Variants in TASP1 observed in about 807,000 individuals in gnomAD.
The protein encoded by TASP1 is taspase 1.
A neutral mutation model predicts 56.6 loss-of-function variants in TASP1; 16 were observed. The ratio of observed to expected loss-of-function variants is 0.28; its 90% CI spans 0.19 to 0.43. The LOEUF (loss-of-function observed/expected upper bound fraction) is 0.43. Among genes scored for constraint, TASP1 ranks in the 20% least tolerant of loss-of-function variants. The pLI is 1.00. For synonymous variants in TASP1, 179 were observed against 184.2 expected (o/e 0.97, Z 0.23); for missense variants, 393 against 511.6 (o/e 0.77, Z 2.24).
intron 4 of TASP1, among the ~76,000 whole-genome samples, chr20:13,608,826 A>G (rs567555852): frequency 6.6e-6 from 1 of 152,248 alleles, no homozygotes; most frequent in African/African-American, 2.4e-5. Context: ...TCTTACCTAC[A>G]TGGAGCCTCA....
intron 7 of TASP1, among the ~76,000 whole-genome samples, chr20:13,564,250 A>G (rs1568587681): frequency 1.3e-5 from 2 of 152,234 alleles, no homozygotes; most frequent in Admixed American, 1.3e-4. Flanking sequence ...TGTATGATAC[A>G]AAATCAACAC....
chr20:13,167,207 T>C, the TASP1 span: 38 of 152,332 alleles, frequency 2.5e-4, no homozygotes, highest in African/African-American at 8.9e-4. Flanking sequence ...TTTTAATTTT[T>C]TTAAGAAAAA....
intron 4 of TASP1, among the ~76,000 whole-genome samples, chr20:13,592,874 A>G (rs1219645601): frequency 1.3e-5 from 2 of 152,196 alleles, no homozygotes; most frequent in African/African-American, 4.8e-5. Context: ...GAGGAACATC[A>G]TCCCTCTTGA....
At chr20:13,336,120 G>C in the TASP1 span, among the ~76,000 whole-genome samples, 2 of 152,184 alleles carry the variant, frequency 1.3e-5, no homozygotes, top group Admixed American at 1.3e-4. Context: ...AATCCAAAAG[G>C]CTTCTCAATA....
intron 13 of TASP1, chr20:13,393,764 C>A (rs996282469): frequency 6.2e-6 from 4 of 641,832 alleles, no homozygotes; most frequent in African/African-American, 3.6e-5. Context: ...CAGTCCCCTA[C>A]CACACTGAGA....
the TASP1 span, among the ~76,000 whole-genome samples, chr20:13,193,729 A>G: frequency 2.0e-5 from 3 of 152,086 alleles, no homozygotes; most frequent in African/African-American, 7.2e-5. Context: ...TTTTCATTCC[A>G]TTTCCTTTGG....
chr20:13,362,720 T>C, the TASP1 span, among the ~76,000 whole-genome samples: 1 of 150,874 alleles, frequency 6.6e-6, no homozygotes, highest in Non-Finnish European at 1.5e-5. Context: ...TCTGTTTATA[T>C]GAAATTCTAG....
the TASP1 span, chr20:13,221,817 T>C: frequency 6.9e-7 from 1 of 1,457,972 alleles, no homozygotes; most frequent in Admixed American, 2.5e-5. Flanking sequence ...CTGCTGGGGC[T>C]GCTGCTGCTC....
the TASP1 span, among the ~76,000 whole-genome samples, chr20:13,174,069 C>T: frequency 1.3e-5 from 2 of 152,156 alleles, no homozygotes; most frequent in African/African-American, 2.4e-5. Context: ...CCTGCCCCAT[C>T]CCCAGTGCCG....
Position 13,596,073 on chromosome 20 carries a change from C to T in TASP1, c.283-8703G>A, listed in dbSNP as rs571529152. ...AATTAGAACTCAGGATTAAGAAACT[C>T]ACTCAAAACTGCACAACTGCCAGGT... On this transcript the variant is annotated intron_variant, in intron 4 of 13. Coordinates refer to ENST00000337743, the MANE Select transcript of TASP1 (RefSeq NM_017714.3). Among the ~76,000 whole-genome samples, 4 of 152,252 alleles carry T rather than the reference C, an allele frequency of 2.6e-5. No homozygotes were observed. The East Asian group carries it at 7.7e-4, about 29-fold the overall frequency.
chr20:13,267,764 A>C, the TASP1 span, among the ~76,000 whole-genome samples: 1 of 152,356 alleles, frequency 6.6e-6, no homozygotes, highest in East Asian at 1.9e-4. Context: ...GTAAGTGTTC[A>C]TAGTAGGAAG....
chr20:13,482,402 G>C (rs1263171110), intron 11 of TASP1, among the ~76,000 whole-genome samples: 1 of 152,050 alleles, frequency 6.6e-6, no homozygotes, highest in African/African-American at 2.4e-5. Flanking sequence ...TCTTTTGCGA[G>C]TCCACATAAA....
chr20:13,112,303 C>G, the TASP1 span, among the ~76,000 whole-genome samples: 1 of 152,294 alleles, frequency 6.6e-6, no homozygotes, highest in South Asian at 2.1e-4. Flanking sequence ...CCTGGAGTGC[C>G]ATGCTCTCTT....
At chr20:13,205,123 G>A in the TASP1 span, among the ~76,000 whole-genome samples, 2 of 152,048 alleles carry the variant, frequency 1.3e-5, no homozygotes, top group Non-Finnish European at 2.9e-5. Context: ...ACCTTTTGCT[G>A]TTTTTCCGTA....
In TASP1 at chr20:13,627,727, T is replaced by TA. The variant is rs2048944133; in HGVS notation, c.145+2206dup. On this transcript the variant is annotated intron_variant, in intron 2 of 13. Coordinates refer to ENST00000337743, the MANE Select transcript of TASP1 (RefSeq NM_017714.3). Reference sequence around the variant, plus strand: ...CAGCCTGGGCAACAAGAGCGAAACTTAGTCTTAAAAAAAAAAAAAAAAGTT... The same window carrying TA: ...CAGCCTGGGCAACAAGAGCGAAACTTAAGTCTTAAAAAAAAAAAAAAAAGTT... 2.5e-5 allele frequency among the ~76,000 whole-genome samples: 2 copies of TA among 79,552 alleles called. 1 individual carries two copies. The highest frequency in any genetic ancestry group is 3.0e-4 in the African/African-American group (2 of 6,762). 52.2% of individuals were successfully genotyped at this position (79,552 alleles called of 152,430 possible).
chr20:13,204,551 AT>A, the TASP1 span, among the ~76,000 whole-genome samples: 4 of 151,152 alleles, frequency 2.6e-5, no homozygotes, highest in Non-Finnish European at 5.9e-5. Context: ...ATATATGTAT[AT>A]TTTTTGAGAC....
At chr20:13,608,357 A>T (rs2048233053) in intron 4 of TASP1, among the ~76,000 whole-genome samples, 2 of 152,202 alleles carry the variant, frequency 1.3e-5, no homozygotes, top group Non-Finnish European at 2.9e-5. Context: ...TGGTTAAAAG[A>T]TTTCCAATTT....
At chr20:13,469,230 G>A (rs1317906538) in intron 11 of TASP1, among the ~76,000 whole-genome samples, 5 of 152,056 alleles carry the variant, frequency 3.3e-5, no homozygotes, top group Non-Finnish European at 7.4e-5. Flanking sequence ...TATTTTAAAT[G>A]GCTTTTTGGT....
the TASP1 span, among the ~76,000 whole-genome samples, chr20:13,189,041 T>C: frequency 6.6e-6 from 1 of 152,172 alleles, no homozygotes; most frequent in Non-Finnish European, 1.5e-5. Context: ...TCACTTTACG[T>C]TTTTTGTCTA....
Sources: gnomAD v4.1 joint callset for allele counts (sites outside exome capture counted in the v4.1 genomes callset) on GRCh38, gnomAD v4.1.1 for gene constraint, MANE v1.5 for transcripts, NCBI Gene and HGNC (gene_info 2026-07-23, HGNC 2026-07-21) for gene names.